Variants in ARHGAP20 observed in about 807,000 individuals in gnomAD.
The protein encoded by ARHGAP20 is Rho GTPase activating protein 20.
Under a neutral mutation model 73.7 loss-of-function variants are expected in ARHGAP20, and 34 were observed. The observed-to-expected ratio is 0.46, with a 90% CI of 0.35 to 0.61. The LOEUF (loss-of-function observed/expected upper bound fraction) is 0.61. Ranked by LOEUF, ARHGAP20 falls within the 20% of genes least tolerant of loss-of-function variation. ARHGAP20 has a pLI of 0.00. For missense variants in ARHGAP20, 1,314 were observed against 1,420.9 expected (o/e 0.92, Z 1.21); for synonymous variants, 523 against 518.2 (o/e 1.01, Z -0.13).
intron 9 of ARHGAP20, among the ~76,000 whole-genome samples, chr11:110,606,291 G>A (rs536253025): frequency 1.3e-5 from 2 of 152,308 alleles, no homozygotes; most frequent in East Asian, 3.9e-4. Context: ...GCACTGCTTA[G>A]TGCCTTTGAC....
rs11375397 is a variant in ARHGAP20, at chr11:110,639,238, A to AC, written c.189-8447dup. ...AGCACACACTCATATTTTATTCGAT[A>AC]CCCCCCCCCCACAAGAGTTTTAAAA... On this transcript the variant is annotated intron_variant, in intron 2 of 14. Coordinates refer to ENST00000683387, the MANE Select transcript of ARHGAP20 (RefSeq NM_001384657.1). Among the ~76,000 whole-genome samples, 435 of 141,688 alleles carry AC rather than the reference A, an allele frequency of 3.1e-3. 1 individual carries two copies. The highest frequency in any genetic ancestry group is 0.011 in the Middle Eastern group (3 of 270). The allele number at this position is 141,688 out of a possible 152,430, so 93.0% of individuals were successfully genotyped here. A position where few individuals can be genotyped will look rare whatever the true frequency, so the allele number is the denominator to read the frequency against.
At chr11:110,683,790 G>C (rs998899122) in intron 2 of ARHGAP20, among the ~76,000 whole-genome samples, 2 of 152,158 alleles carry the variant, frequency 1.3e-5, no homozygotes, top group African/African-American at 4.8e-5. Flanking sequence ...GTCTGAATGA[G>C]AGCGATCATC....
chr11:110,701,534 C>T (rs1245813239), intron 1 of ARHGAP20, among the ~76,000 whole-genome samples: 36 of 150,278 alleles, frequency 2.4e-4, no homozygotes, highest in African/African-American at 7.5e-4. Flanking sequence ...TTGTAGGTTG[C>T]CTGTTCACTC....
intron 1 of ARHGAP20, among the ~76,000 whole-genome samples, chr11:110,692,750 A>T (rs961687664): frequency 1.3e-5 from 2 of 152,124 alleles, no homozygotes; most frequent in African/African-American, 2.4e-5. Context: ...ATTTAGAAAC[A>T]GTAATAATCT....
intron 1 of ARHGAP20, among the ~76,000 whole-genome samples, chr11:110,706,301 A>G (rs1950551748): frequency 2.0e-5 from 3 of 152,194 alleles, no homozygotes. Context: ...GCCACTTACT[A>G]CACTGAAGCC....
At chr11:110,626,414 T>TA (rs1485613103) in intron 3 of ARHGAP20, among the ~76,000 whole-genome samples, 1 of 152,192 alleles carries the variant, frequency 6.6e-6, no homozygotes, top group Non-Finnish European at 1.5e-5. Flanking sequence ...TCTCCTATAA[T>TA]AAAAATAATG....
intron 2 of ARHGAP20, among the ~76,000 whole-genome samples, chr11:110,680,360 G>T (rs1356943872): frequency 6.6e-6 from 1 of 152,076 alleles, no homozygotes; most frequent in Non-Finnish European, 1.5e-5. Flanking sequence ...TTGTTCTTCT[G>T]CTTCCCTAAT....
At chr11:110,607,051 ATCTAAGGAT>A (rs1948250900) in intron 8 of ARHGAP20, among the ~76,000 whole-genome samples, 1 of 152,188 alleles carries the variant, frequency 6.6e-6, no homozygotes, top group Non-Finnish European at 1.5e-5. Flanking sequence ...CAACACGTGC[ATCTAAGGAT>A]AACTAAAGGT....
intron 2 of ARHGAP20, among the ~76,000 whole-genome samples, chr11:110,687,652 A>G (rs888262078): frequency 2.6e-5 from 4 of 152,182 alleles, no homozygotes; most frequent in African/African-American, 9.6e-5. Flanking sequence ...GTCTATATAT[A>G]TGTTTAAATT....
At chr11:110,700,023 G>A (rs575394990) in intron 1 of ARHGAP20, among the ~76,000 whole-genome samples, 1 of 152,114 alleles carries the variant, frequency 6.6e-6, no homozygotes, top group South Asian at 2.1e-4. Context: ...AAACCTGTAT[G>A]TAGGCTCTCA....
intron 8 of ARHGAP20, among the ~76,000 whole-genome samples, chr11:110,608,590 G>A (rs1948288858): frequency 6.6e-6 from 1 of 151,766 alleles, no homozygotes; most frequent in Non-Finnish European, 1.5e-5. Flanking sequence ...TATTTTAGGT[G>A]GTCTTCCATA....
chr11:110,579,635 A>G lies in ARHGAP20; in HGVS notation c.3311T>C (p.Val1104Ala). The change falls in exon 15 of 15, where the codon GTG (valine) becomes GCG (alanine). Residue 1104 changes from valine (V) to alanine (A), a missense_variant. Val to Ala is a moderately conservative substitution (Grantham distance 64). Around this residue, in one of 3 missense-constraint regions of ARHGAP20, gnomAD observed 641 missense variants for 636.9 expected, o/e 1.01. Transcript: ENST00000683387. The stretch of plus-strand genomic sequence containing the variant: ...AGAACTACACCTTTGGGCTGACTGC[A>G]CAGGGGACAGTCCTTCAGCTGCCCT... ...PLRAAEGLSPVQSAQRCSSSP... is the reference protein window; with the variant it reads ...PLRAAEGLSPAQSAQRCSSSP... 6.2e-7 allele frequency: 1 copy of G among 1,614,226 alleles called. No individual in the cohort carries two copies. The highest frequency in any genetic ancestry group is 1.6e-4 in the Middle Eastern group (1 of 6,062).
In ARHGAP20 at chr11:110,591,963, A is replaced by C; in HGVS notation, c.1143+14T>G. 1.2e-6 allele frequency: 2 copies of C among 1,613,446 alleles called. No homozygotes were observed. The highest frequency in any genetic ancestry group is 1.7e-6 in the Non-Finnish European group (2 of 1,179,508). On this transcript the variant is annotated intron_variant, in intron 10 of 14. Coordinates refer to ENST00000683387, the MANE Select transcript of ARHGAP20 (RefSeq NM_001384657.1). ...ACCCTTTCCCATCAGTTTACAGACC[A>C]AAATGAGCCTTACCAAGACAGGTTT...
chr11:110,705,383 T>C, intron 1 of ARHGAP20, among the ~76,000 whole-genome samples: 1 of 152,174 alleles, frequency 6.6e-6, no homozygotes, highest in East Asian at 1.9e-4. Flanking sequence ...GATAAATTGC[T>C]TCATGACAAT....
In ARHGAP20 at chr11:110,580,282, A is replaced by G. The variant is rs545944035; in HGVS notation, c.2664T>C (p.His888=). ...TCTGCCCCTCCATTTGCAAAGACTT[A>G]TGCCGTTTGAGATAATCCTCCTCTC... ...LHGEEDYLKR[H]KSLQMEGQKL... is the part of the protein sequence containing the mutation. The change falls in exon 15 of 15, where the codon CAT becomes CAC. Residue 888 remains histidine, a synonymous_variant. Transcript: ENST00000683387. The G allele has an allele frequency of 6.2e-7, 1 of 1,614,254 alleles. No homozygotes were observed. Among genetic ancestry groups the G allele is most frequent in the African/African-American group, 1.3e-5 (1 of 75,056 alleles).
intron 4 of ARHGAP20, 152 bp from the exon 5 acceptor site, chr11:110,615,746 C>A (rs11213502): frequency 3.0e-6 from 2 of 666,858 alleles, no homozygotes; most frequent in Middle Eastern, 4.0e-4. Context: ...TAATTGTGTT[C>A]TGGAGAACTC....
At chr11:110,646,694 C>A (rs1343920934) in intron 2 of ARHGAP20, among the ~76,000 whole-genome samples, 1 of 151,910 alleles carries the variant, frequency 6.6e-6, no homozygotes, top group African/African-American at 2.4e-5. Flanking sequence ...TTTTAAATCC[C>A]AAATTATATT....
At chr11:110,667,913 T>G (rs911849944) in intron 2 of ARHGAP20, among the ~76,000 whole-genome samples, 5 of 152,208 alleles carry the variant, frequency 3.3e-5, no homozygotes, top group African/African-American at 9.6e-5. Flanking sequence ...ACAATAAAGT[T>G]GCTTCTTAAG....
intron 9 of ARHGAP20, among the ~76,000 whole-genome samples, chr11:110,604,101 A>G (rs899519094): frequency 9.2e-5 from 14 of 152,174 alleles, no homozygotes; most frequent in African/African-American, 3.4e-4. Flanking sequence ...TAACACTTAC[A>G]TAATATCCTT....
Sources: allele counts gnomAD v4.1 joint callset (sites outside exome capture counted in the v4.1 genomes callset), GRCh38; gene constraint gnomAD v4.1.1; regional missense constraint gnomAD v4.1.1; transcripts MANE v1.5; gene names NCBI Gene and HGNC (gene_info 2026-07-23, HGNC 2026-07-21).